The following ZMAT4 variants were observed in gnomAD, a reference collection of about 807,000 sequenced individuals.
ZMAT4 encodes the protein zinc finger matrin-type 4, also known as zinc finger matrin-type protein 4.
A neutral mutation model predicts 28.7 loss-of-function variants in ZMAT4; 17 were observed. That is an observed-to-expected ratio of 0.59 (90% CI 0.41 to 0.89). ZMAT4 has a LOEUF of 0.89. ZMAT4 is among the 40% of genes least tolerant of loss of function. The probability of loss-of-function intolerance (pLI) is 0.00; values close to 1 mark genes in which losing one functional copy is unlikely to be tolerated. For synonymous variants in ZMAT4, 117 were observed against 109.2 expected (o/e 1.07, Z -0.44); for missense variants, 240 against 283.8 (o/e 0.85, Z 1.11).
chr8:40,812,099 C>A (rs575169985), intron 2 of ZMAT4, among the ~76,000 whole-genome samples: 5 of 152,102 alleles, frequency 3.3e-5, no homozygotes, highest in Non-Finnish European at 5.9e-5. Flanking sequence ...CCACTGCATT[C>A]CAGCCTGGGT....
At chr8:40,864,778 G>A (rs1817620551) in intron 1 of ZMAT4, among the ~76,000 whole-genome samples, 1 of 152,180 alleles carries the variant, frequency 6.6e-6, no homozygotes, top group Non-Finnish European at 1.5e-5. Flanking sequence ...TGAGGAGATG[G>A]CTGTAAAAAG....
chr8:40,779,491 A>G (rs67264580), intron 2 of ZMAT4, among the ~76,000 whole-genome samples: 59,899 of 151,624 alleles, frequency 0.4, 12,453 homozygotes, highest in Middle Eastern at 0.48. Flanking sequence ...CAAAGCACCC[A>G]CTCCTGGGGA....
At chr8:40,805,940 T>TA (rs200267126) in intron 2 of ZMAT4, among the ~76,000 whole-genome samples, 48 of 147,456 alleles carry the variant, frequency 3.3e-4, no homozygotes, top group African/African-American at 6.5e-4. Context: ...AAAGTATAAT[T>TA]AAAAAAAAAA....
At chr8:40,585,818 T>G (rs111625455) in intron 5 of ZMAT4, among the ~76,000 whole-genome samples, 97 of 152,294 alleles carry the variant, frequency 6.4e-4, no homozygotes, top group Admixed American at 2.3e-3. Flanking sequence ...AGTTCTCCAT[T>G]AATCTTGTCA....
At chr8:40,895,733 G>A (rs1263453503) in intron 1 of ZMAT4, among the ~76,000 whole-genome samples, 1 of 152,132 alleles carries the variant, frequency 6.6e-6, no homozygotes, top group Non-Finnish European at 1.5e-5. Flanking sequence ...CAACAGATTG[G>A]CATCAATTAA....
chr8:40,601,468 G>GAAAAAAGAAA (rs1563359930), intron 5 of ZMAT4, among the ~76,000 whole-genome samples: 4 of 19,998 alleles, frequency 2.0e-4, no homozygotes, highest in African/African-American at 3.6e-4. Context: ...GAGGAAGAAA[G>GAAAAAAGAAA]GAAAGAAAGA....
chr8:40,598,384 C>G (rs1229878715), intron 5 of ZMAT4, among the ~76,000 whole-genome samples: 1 of 152,038 alleles, frequency 6.6e-6, no homozygotes, highest in African/African-American at 2.4e-5. Context: ...CCTGACAGGC[C>G]CCAGTGTGTG....
intron 1 of ZMAT4, among the ~76,000 whole-genome samples, chr8:40,878,422 T>C (rs1191580687): frequency 2.0e-5 from 3 of 152,214 alleles, no homozygotes; most frequent in African/African-American, 7.2e-5. Context: ...ATTTCACAGA[T>C]CTAAAGCAAG....
intron 2 of ZMAT4, among the ~76,000 whole-genome samples, chr8:40,771,116 C>T (rs1315545783): frequency 6.6e-6 from 1 of 151,954 alleles, no homozygotes; most frequent in Non-Finnish European, 1.5e-5. Flanking sequence ...CCGTGGCATG[C>T]CCTGTGTTAA....
At chr8:40,707,094 C>A (rs986962299) in intron 3 of ZMAT4, among the ~76,000 whole-genome samples, 1 of 152,160 alleles carries the variant, frequency 6.6e-6, no homozygotes, top group Non-Finnish European at 1.5e-5. Flanking sequence ...ACTAGAAATG[C>A]CCCGTCTCTC....
chr8:40,832,195 G>A (rs1312834334), intron 1 of ZMAT4, among the ~76,000 whole-genome samples: 1 of 152,112 alleles, frequency 6.6e-6, no homozygotes, highest in African/African-American at 2.4e-5. Flanking sequence ...GAAAGCCAAG[G>A]ACAGACATTC....
intron 5 of ZMAT4, among the ~76,000 whole-genome samples, chr8:40,658,849 A>G (rs923195177): frequency 5.9e-5 from 9 of 151,918 alleles, no homozygotes; most frequent in Non-Finnish European, 4.4e-5. Context: ...AAACTGGAAA[A>G]CTCACTCAAT....
intron 2 of ZMAT4, among the ~76,000 whole-genome samples, chr8:40,773,559 A>C (rs995687723): frequency 2.0e-5 from 3 of 152,212 alleles, no homozygotes; most frequent in Non-Finnish European, 4.4e-5. Flanking sequence ...AGAAACTATC[A>C]AGGAAATTAA....
chr8:40,630,784 G>A (rs1354735047), intron 5 of ZMAT4, among the ~76,000 whole-genome samples: 4 of 152,194 alleles, frequency 2.6e-5, no homozygotes, highest in East Asian at 1.9e-4. Flanking sequence ...AGTGTATTGC[G>A]TAGCCATTAT....
At position 40,697,202 on chromosome 8, in the gene ZMAT4, T is replaced by C. The variant is rs747534351; in HGVS notation, c.349+43A>G. ...CATGATCTGCAAGACAGGCCAGCACTTGGTTTTCAGGGTCTCCCCACGATC... is the reference window on the plus strand; with the variant it reads ...CATGATCTGCAAGACAGGCCAGCACCTGGTTTTCAGGGTCTCCCCACGATC... On this transcript the variant is annotated intron_variant, in intron 4 of 6. Coordinates refer to ENST00000297737, the MANE Select transcript of ZMAT4 (RefSeq NM_024645.3). The C allele has an allele frequency of 4.6e-6, 7 of 1,525,248 alleles. No individual in the cohort carries two copies. In the Admixed American group the frequency reaches 1.4e-4, roughly 31 times the overall value. 94.5% of individuals were successfully genotyped at this position (1,525,248 alleles called of 1,614,324 possible). A position where few individuals can be genotyped will look rare whatever the true frequency, so the allele number is the denominator to read the frequency against.
At chr8:40,533,370 C>T (rs1802753492) in intron 6 of ZMAT4, among the ~76,000 whole-genome samples, 1 of 152,186 alleles carries the variant, frequency 6.6e-6, no homozygotes, top group Non-Finnish European at 1.5e-5. Flanking sequence ...AGAAGTGCTC[C>T]AGCTGAAAGG....
At chr8:40,584,858 G>A (rs1046597637) in intron 5 of ZMAT4, among the ~76,000 whole-genome samples, 6 of 152,042 alleles carry the variant, frequency 3.9e-5, no homozygotes, top group African/African-American at 1.4e-4. Context: ...GGTCTCAAAC[G>A]CCAGATCTCA....
intron 4 of ZMAT4, among the ~76,000 whole-genome samples, chr8:40,687,547 CT>C (rs1809468612): frequency 6.6e-6 from 1 of 152,136 alleles, no homozygotes; most frequent in Admixed American, 6.5e-5. Flanking sequence ...ATTCTATACC[CT>C]ACACTCTGGA....
intron 1 of ZMAT4, among the ~76,000 whole-genome samples, chr8:40,839,858 C>G (rs1428149087): frequency 6.6e-6 from 1 of 152,176 alleles, no homozygotes; most frequent in African/African-American, 2.4e-5. Flanking sequence ...GATGGCTAAC[C>G]TAAAAGCTCT....
Sources: gnomAD v4.1 joint callset for allele counts (sites outside exome capture counted in the v4.1 genomes callset) on GRCh38, gnomAD v4.1.1 for gene constraint, MANE v1.5 for transcripts, NCBI Gene and HGNC (gene_info 2026-07-23, HGNC 2026-07-21) for gene names.